BABAM2: variants seen among roughly 807,000 people sequenced by gnomAD.
The protein encoded by BABAM2 is BRISC and BRCA1-A complex member 2.
In BABAM2, 31 loss-of-function variants were observed where a neutral mutation model predicts 54.7. The ratio of observed to expected loss-of-function variants is 0.57; its 90% CI spans 0.43 to 0.77. BABAM2 has a LOEUF of 0.77. BABAM2 is among the 30% of genes least tolerant of loss of function. The probability of loss-of-function intolerance (pLI) is 0.00; values close to 1 mark genes in which losing one functional copy is unlikely to be tolerated. For synonymous variants in BABAM2, 167 were observed against 162.9 expected, an observed-to-expected ratio of 1.03 and a Z score of -0.19; for missense variants, 364 against 455.8, an observed-to-expected ratio of 0.80 and a Z score of 1.83.
chr2:28,101,775 A>C lies in BABAM2; in HGVS notation c.571-27496A>C, dbSNP rs118163881. Among the ~76,000 whole-genome samples, 109 of 152,334 alleles carry C rather than the reference A, an allele frequency of 7.2e-4. 2 individuals are homozygous for C. The East Asian group carries it at 0.02, about 28-fold the overall frequency. On this transcript the variant is annotated intron_variant, in intron 6 of 11. Coordinates refer to ENST00000379624, the MANE Select transcript of BABAM2 (RefSeq NM_199191.3). ...TAAATAAATACATATAAACATATTG[A>C]TAGGAAGCTCACACATTTTTTTATT...
chr2:28,101,581 T>G (rs1667085291), intron 6 of BABAM2, among the ~76,000 whole-genome samples: 1 of 152,182 alleles, frequency 6.6e-6, no homozygotes, highest in Non-Finnish European at 1.5e-5. Context: ...CACCTGTGGT[T>G]GTCCTATCCC....
At chr2:28,017,107 A>G (rs1474946353) in intron 4 of BABAM2, among the ~76,000 whole-genome samples, 1 of 152,248 alleles carries the variant, frequency 6.6e-6, no homozygotes, top group East Asian at 1.9e-4. Context: ...AAATTGTTAT[A>G]TTTGAAGAAA....
chr2:28,237,484 C>T (rs542427301), intron 8 of BABAM2, among the ~76,000 whole-genome samples, 183 bp downstream of exon 8: 1 of 152,140 alleles, frequency 6.6e-6, no homozygotes, highest in Non-Finnish European at 1.5e-5. Context: ...TTTCTTTGCC[C>T]TCCTTCTTCC....
At chr2:28,012,204 T>C (rs1454369997) in intron 4 of BABAM2, among the ~76,000 whole-genome samples, 1 of 152,196 alleles carries the variant, frequency 6.6e-6, no homozygotes, top group Non-Finnish European at 1.5e-5. Context: ...CTGGATGATA[T>C]TCGAGCAACC....
At position 28,154,597 on chromosome 2, in the gene BABAM2, C is replaced by T. The variant is rs529486857; in HGVS notation, c.680+25217C>T. ...ATGAAATCTTATATTCCTTCTGGTG[C>T]CTTCATTTGCCTTTCCTTTCCTTGC... On this transcript the variant is annotated intron_variant, in intron 7 of 11. Coordinates refer to ENST00000379624, the MANE Select transcript of BABAM2 (RefSeq NM_199191.3). 2.6e-5 allele frequency among the ~76,000 whole-genome samples: 4 copies of T among 152,196 alleles called. No individual in the cohort carries two copies. The South Asian group carries it at 8.3e-4, about 32-fold the overall frequency.
intron 7 of BABAM2, among the ~76,000 whole-genome samples, chr2:28,236,949 C>G (rs1209367571): frequency 6.6e-6 from 1 of 152,150 alleles, no homozygotes; most frequent in Non-Finnish European, 1.5e-5. Flanking sequence ...AAGACATTTA[C>G]CCATGCCAAT....
At chr2:27,926,823 A>G (rs934619024) in intron 2 of BABAM2, among the ~76,000 whole-genome samples, 9 of 152,180 alleles carry the variant, frequency 5.9e-5, no homozygotes, top group Non-Finnish European at 2.9e-5. Flanking sequence ...TAGTCAACAC[A>G]TAGGAATTGT....
intron 7 of BABAM2, among the ~76,000 whole-genome samples, chr2:28,133,610 G>A (rs1328868145): frequency 2.0e-5 from 3 of 152,188 alleles, no homozygotes; most frequent in South Asian, 2.1e-4. Context: ...GAGAGATATC[G>A]TGGGCCTGGG....
At chr2:28,005,974 T>A (rs1673932493) in intron 4 of BABAM2, among the ~76,000 whole-genome samples, 1 of 152,126 alleles carries the variant, frequency 6.6e-6, no homozygotes, top group South Asian at 2.1e-4. Flanking sequence ...CTAAACAAAT[T>A]GACAGTAATT....
intron 11 of BABAM2, among the ~76,000 whole-genome samples, chr2:28,334,089 A>G (rs1479269217): frequency 6.6e-6 from 1 of 152,234 alleles, no homozygotes. Context: ...TGGTAGCATC[A>G]TGCCTTTAAA....
chr2:27,923,458 G>GA (rs983215960), intron 2 of BABAM2, among the ~76,000 whole-genome samples: 9 of 145,544 alleles, frequency 6.2e-5, no homozygotes, highest in East Asian at 2.0e-4. Flanking sequence ...GTCTCAAAAA[G>GA]AAAAAAAAAA....
intron 2 of BABAM2, among the ~76,000 whole-genome samples, chr2:27,907,956 A>G (rs1666304007): frequency 6.6e-6 from 1 of 152,210 alleles, no homozygotes; most frequent in African/African-American, 2.4e-5. Flanking sequence ...ATCTTTGGCT[A>G]CTGTGAATAA....
intron 10 of BABAM2, among the ~76,000 whole-genome samples, chr2:28,249,278 C>G (rs1350935646): frequency 1.3e-5 from 2 of 151,532 alleles, no homozygotes; most frequent in African/African-American, 4.8e-5. Flanking sequence ...TAGTAGAGAC[C>G]GGGTTTCACC....
intron 6 of BABAM2, among the ~76,000 whole-genome samples, chr2:28,109,262 C>T (rs562670866): frequency 1.4e-5 from 2 of 145,206 alleles, no homozygotes; most frequent in Admixed American, 7.1e-5. Context: ...GATCTTGGCT[C>T]ACCGCAAGCT....
chr2:28,026,801 A>ATAAAAAAATATAAATATATATTTATATAT (rs1491267438), intron 5 of BABAM2, among the ~76,000 whole-genome samples: 50 of 60,240 alleles, frequency 8.3e-4, no homozygotes, highest in African/African-American at 3.0e-3. Context: ...ATATTTATAT[A>ATAAAAAAATATAAATATATATTTATATAT]AAAAATATAT....
chr2:28,179,202 C>CTTTTTTTTTTTT (rs1675350698), intron 7 of BABAM2, among the ~76,000 whole-genome samples: 2 of 151,936 alleles, frequency 1.3e-5, no homozygotes, highest in Non-Finnish European at 2.9e-5. Flanking sequence ...AAATGGCAGG[C>CTTTTTTTTTTTT]TAGTGATGAA....
At chr2:28,282,048 G>A (rs1176066787) in intron 10 of BABAM2, among the ~76,000 whole-genome samples, 1 of 152,010 alleles carries the variant, frequency 6.6e-6, no homozygotes, top group South Asian at 2.1e-4. Flanking sequence ...TGGGAGTGAG[G>A]GCATGTTAAG....
Position 28,132,616 on chromosome 2 carries a change from C to T in BABAM2, c.680+3236C>T, listed in dbSNP as rs1036376462. ...AAGCTGCTCCTTCCATGTACAAGGC[C>T]CTTCTCTAACCCCTCTTCCTGTTGA... is the stretch of plus-strand genomic sequence containing the variant. On this transcript the variant is annotated intron_variant, in intron 7 of 11. Coordinates refer to ENST00000379624, the MANE Select transcript of BABAM2 (RefSeq NM_199191.3). 2.0e-5 allele frequency among the ~76,000 whole-genome samples: 3 copies of T among 152,116 alleles called. No homozygotes were observed. The East Asian group carries it at 5.8e-4, about 29-fold the overall frequency.
intron 3 of BABAM2, among the ~76,000 whole-genome samples, chr2:27,941,118 G>A (rs1026524913): frequency 2.6e-5 from 4 of 152,080 alleles, no homozygotes; most frequent in Non-Finnish European, 4.4e-5. Flanking sequence ...GGATTTCTGG[G>A]TCATGTATTA....
Sources: gnomAD v4.1 joint callset for allele counts (sites outside exome capture counted in the v4.1 genomes callset) on GRCh38, gnomAD v4.1.1 for gene constraint, MANE v1.5 for transcripts, NCBI Gene and HGNC (gene_info 2026-07-23, HGNC 2026-07-21) for gene names.